The following TANC2 variants were observed in gnomAD, a reference collection of about 807,000 sequenced individuals.
TANC2 encodes the protein tetratricopeptide repeat, ankyrin repeat and coiled-coil containing 2.
Under a neutral mutation model 210.5 loss-of-function variants are expected in TANC2, and 26 were observed. The ratio of observed to expected loss-of-function variants is 0.12; its 90% confidence interval spans 0.09 to 0.17. The LOEUF (loss-of-function observed/expected upper bound fraction) is 0.17, where lower values mean the gene tolerates loss of function less well. Among genes scored for constraint, TANC2 ranks in the 10% least tolerant of loss-of-function variants. The probability of loss-of-function intolerance (pLI) is 1.00; values close to 1 mark genes in which losing one functional copy is unlikely to be tolerated. For missense variants in TANC2, 2,129 were observed against 2,608.9 expected (o/e 0.82, Z 4.01); for synonymous variants, 931 against 967.1 (o/e 0.96, Z 0.69).
chr17:63,415,694 A>G lies in TANC2; in HGVS notation c.4167+20A>G. On this transcript the variant is annotated intron_variant, in intron 26 of 27. Coordinates refer to ENST00000689528, the Ensembl canonical transcript of TANC2. ...ATGAACGTAAGTCCCTGTCACCCCAACTCCTTTCTGCAATCCTGGTAGCTG... is the reference window on the plus strand; with the variant it reads ...ATGAACGTAAGTCCCTGTCACCCCAGCTCCTTTCTGCAATCCTGGTAGCTG... 5 of 1,595,374 alleles carry G rather than the reference A, an allele frequency of 3.1e-6. No homozygotes were observed. In the South Asian group the frequency reaches 3.4e-5, roughly 11 times the overall value.
chr17:63,215,540 T>A (rs1010565693), intron 7 of TANC2, among the ~76,000 whole-genome samples: 1 of 152,048 alleles, frequency 6.6e-6, no homozygotes, highest in Admixed American at 6.5e-5. Context: ...GGCTAGAGAT[T>A]GAGTTAATCA....
intron 3 of TANC2, among the ~76,000 whole-genome samples, chr17:63,098,444 A>C (rs2037472940): frequency 1.4e-5 from 1 of 72,500 alleles, no homozygotes; most frequent in Non-Finnish European, 2.4e-5. Context: ...ACACACACAC[A>C]CACACACACA....
intron 14 of TANC2, among the ~76,000 whole-genome samples, chr17:63,370,046 C>T (rs576904143): frequency 9.9e-5 from 15 of 152,246 alleles, no homozygotes; most frequent in African/African-American, 3.4e-4. Flanking sequence ...CTCACCTAGC[C>T]TTTTGCTATA....
intron 1 of TANC2, among the ~76,000 whole-genome samples, chr17:63,008,524 T>A (rs1238823334): frequency 6.6e-6 from 1 of 152,154 alleles, no homozygotes; most frequent in Non-Finnish European, 1.5e-5. Context: ...AGAGCAGTCA[T>A]TGAATTGTGG....
chr17:63,184,920 C>T (rs1480171974), intron 5 of TANC2, among the ~76,000 whole-genome samples: 6 of 151,806 alleles, frequency 4.0e-5, no homozygotes, highest in Admixed American at 2.6e-4. Flanking sequence ...GTGTGAGCCA[C>T]TGCACCCAGC....
At chr17:63,262,192 T>C (rs1420181738) in intron 8 of TANC2, among the ~76,000 whole-genome samples, 1 of 152,090 alleles carries the variant, frequency 6.6e-6, no homozygotes, top group East Asian at 1.9e-4. Flanking sequence ...CTGAGATTGA[T>C]TTTTTTTCTT....
At chr17:63,081,968 A>G (rs2036790232) in intron 3 of TANC2, among the ~76,000 whole-genome samples, 1 of 152,106 alleles carries the variant, frequency 6.6e-6, no homozygotes, top group Non-Finnish European at 1.5e-5. Context: ...GATCAAGACC[A>G]TCCTGGCTAA....
chr17:63,291,029 A>G (rs560158467), intron 9 of TANC2, among the ~76,000 whole-genome samples: 2 of 152,134 alleles, frequency 1.3e-5, no homozygotes, highest in East Asian at 1.9e-4. Flanking sequence ...AAAAAAATTC[A>G]TACTGTCCTC....
At chr17:63,014,476 A>G (rs1199256239) in intron 2 of TANC2, among the ~76,000 whole-genome samples, 2 of 152,028 alleles carry the variant, frequency 1.3e-5, no homozygotes, top group African/African-American at 2.4e-5. Flanking sequence ...AGATTATATA[A>G]TGTGTTATCT....
At chr17:62,999,116 C>G (rs1360244316) in intron 1 of TANC2, among the ~76,000 whole-genome samples, 1 of 152,148 alleles carries the variant, frequency 6.6e-6, no homozygotes, top group African/African-American at 2.4e-5. Context: ...GTCATGGGAG[C>G]AGATCCCTCA....
At chr17:63,028,013 G>A (rs994303022) in intron 2 of TANC2, among the ~76,000 whole-genome samples, 1 of 151,794 alleles carries the variant, frequency 6.6e-6, no homozygotes, top group Non-Finnish European at 1.5e-5. Flanking sequence ...GATTTAGAGT[G>A]CTCTGACCTA....
intron 3 of TANC2, among the ~76,000 whole-genome samples, chr17:63,090,089 T>C (rs894537770): frequency 1.3e-5 from 2 of 152,112 alleles, no homozygotes; most frequent in South Asian, 2.1e-4. Context: ...ATTAGTTGTC[T>C]CCCTCAACCT....
intron 7 of TANC2, among the ~76,000 whole-genome samples, chr17:63,224,517 G>A (rs2042279472): frequency 6.6e-6 from 1 of 152,112 alleles, no homozygotes; most frequent in Non-Finnish European, 1.5e-5. Flanking sequence ...GGGATTACAG[G>A]CGTGAGCCAC....
intron 2 of TANC2, among the ~76,000 whole-genome samples, chr17:63,072,997 T>C (rs2036452240): frequency 6.6e-6 from 1 of 152,106 alleles, no homozygotes; most frequent in African/African-American, 2.4e-5. Context: ...GAATACTCTT[T>C]ATTAAACCTG....
intron 21 of TANC2, among the ~76,000 whole-genome samples, chr17:63,407,875 G>A (rs1250992177): frequency 1.3e-5 from 2 of 152,254 alleles, no homozygotes; most frequent in South Asian, 2.1e-4. Context: ...AGGCCAAAGA[G>A]GAATGACAGG....
rs756935288 is a variant in TANC2, at chr17:63,271,615, C to G, written c.1159+3742C>G. ...AATGCTGTTCCCACCCTTGCCCCCC[C>G]CATCCCCCAACAGGCCCCAGTATGT... On this transcript the variant is annotated intron_variant, in intron 9 of 27. Coordinates refer to ENST00000689528, the Ensembl canonical transcript of TANC2. Among the ~76,000 whole-genome samples, 5 of 151,456 alleles carry G rather than the reference C, an allele frequency of 3.3e-5. No homozygotes were observed. The East Asian group carries it at 5.8e-4, about 18-fold the overall frequency.
chr17:63,229,770 A>ATTT (rs200009079), intron 7 of TANC2, among the ~76,000 whole-genome samples: 51 of 130,594 alleles, frequency 3.9e-4, no homozygotes, highest in African/African-American at 1.2e-3. Flanking sequence ...GATTGTTTGT[A>ATTT]TTTTTTTTTT....
intron 5 of TANC2, among the ~76,000 whole-genome samples, chr17:63,186,112 C>T (rs1480648370): frequency 6.6e-6 from 1 of 152,066 alleles, no homozygotes; most frequent in Non-Finnish European, 1.5e-5. Flanking sequence ...TTTACTTTTC[C>T]ATATGGATAT....
At chr17:63,389,941 G>A in intron 17 of TANC2, 1 of 241,436 alleles carries the variant, frequency 4.1e-6, no homozygotes, top group Admixed American at 5.2e-5. Context: ...CATGTGTAGA[G>A]AAGAAAACTT....
Sources: gnomAD v4.1 joint callset for allele counts (sites outside exome capture counted in the v4.1 genomes callset) on GRCh38, gnomAD v4.1.1 for gene constraint, MANE v1.5 for transcripts, NCBI Gene and HGNC (gene_info 2026-07-23, HGNC 2026-07-21) for gene names.